Variants in FRAS1 observed in about 807,000 individuals in gnomAD.
FRAS1 encodes Fraser extracellular matrix complex subunit 1.
A neutral mutation model predicts 435.2 loss-of-function variants in FRAS1; 290 were observed. The ratio of observed to expected loss-of-function variants is 0.67; its 90% CI spans 0.61 to 0.73. The LOEUF (loss-of-function observed/expected upper bound fraction) is 0.73. Among genes scored for constraint, FRAS1 ranks in the 30% least tolerant of loss-of-function variants. The probability of loss-of-function intolerance (pLI) is 0.00; values close to 1 mark genes in which losing one functional copy is unlikely to be tolerated. For synonymous variants in FRAS1, 1,800 were observed against 1,851.0 expected (o/e 0.97, Z 0.71); for missense variants, 4,860 against 5,001.5 (o/e 0.97, Z 0.85).
At chr4:78,450,970 T>G (rs771953580) in intron 45 of FRAS1, among the ~76,000 whole-genome samples, 1 of 146,182 alleles carries the variant, frequency 6.8e-6, no homozygotes, top group Non-Finnish European at 1.5e-5. Context: ...AGTGGAAATA[T>G]ACCCCTGCGG....
intron 1 of FRAS1, among the ~76,000 whole-genome samples, chr4:78,062,279 A>T (rs1464398011): frequency 6.6e-6 from 1 of 152,086 alleles, no homozygotes; most frequent in African/African-American, 2.4e-5. Flanking sequence ...CATTTTAACT[A>T]CTCTATTAAT....
intron 2 of FRAS1, among the ~76,000 whole-genome samples, chr4:78,109,473 A>C (rs1019571757): frequency 1.3e-5 from 2 of 151,904 alleles, no homozygotes; most frequent in African/African-American, 4.8e-5. Flanking sequence ...GTAATCTAGC[A>C]TATAAACAGA....
chr4:78,452,369 T>C lies in FRAS1; in HGVS notation c.6763+15T>C. On this transcript the variant is annotated intron_variant, in intron 47 of 73. Transcript: ENST00000512123. The stretch of plus-strand genomic sequence containing the variant: ...AGCATCACCAGGTAAGTCTATCATC[T>C]CTTGATTTACTGAATCAAAACTTAG... 1.3e-6 allele frequency: 2 copies of C among 1,580,394 alleles called. No homozygotes were observed. The highest frequency in any genetic ancestry group is 2.3e-5 in the South Asian group (2 of 85,150).
intron 2 of FRAS1, among the ~76,000 whole-genome samples, chr4:78,116,932 T>A (rs553175118): frequency 9.8e-5 from 15 of 152,378 alleles, no homozygotes; most frequent in African/African-American, 3.1e-4. Flanking sequence ...GCCTTGATGA[T>A]CTTTACAATT....
At chr4:78,483,777 T>TATATATAA (rs1720086072) in intron 58 of FRAS1, among the ~76,000 whole-genome samples, 1 of 51,464 alleles carries the variant, frequency 1.9e-5, no homozygotes, top group African/African-American at 5.4e-5. Context: ...ACTCTCTCTC[T>TATATATAA]CTCTCTATAT....
intron 25 of FRAS1, among the ~76,000 whole-genome samples, chr4:78,374,677 A>G (rs1012458213): frequency 6.6e-6 from 1 of 152,198 alleles, no homozygotes; most frequent in African/African-American, 2.4e-5. Context: ...AGTGAAACAC[A>G]CTGGAGCTTT....
At chr4:78,490,970 G>A (rs959890426) in intron 59 of FRAS1, among the ~76,000 whole-genome samples, 1 of 151,896 alleles carries the variant, frequency 6.6e-6, no homozygotes, top group Non-Finnish European at 1.5e-5. Context: ...ATTGATAAAG[G>A]GGATATCACC....
At chr4:78,445,485 A>G (rs1718775862) in intron 41 of FRAS1, 37 bp from the exon 42 acceptor site, 19 of 1,490,168 alleles carry the variant, frequency 1.3e-5, no homozygotes, top group Non-Finnish European at 1.5e-5. Context: ...AGGAATTGAT[A>G]GATCAAGGTA....
intron 2 of FRAS1, among the ~76,000 whole-genome samples, chr4:78,134,856 C>T (rs1719854848): frequency 6.6e-6 from 1 of 152,166 alleles, no homozygotes; most frequent in Non-Finnish European, 1.5e-5. Flanking sequence ...GAAAGTTAAA[C>T]TACTTACTGG....
Position 78,515,832 on chromosome 4 carries a change from G to A in FRAS1, c.10208G>A (p.Ser3403Asn). Residue 3403 changes from serine to asparagine, a missense_variant, in exon 66 of 74, where the codon AGC becomes AAC. Transcript: ENST00000512123. ...TTCCTGGATGATGTGGTCTATGATA[G>A]CACTGCCCTGGGGCCTGGCTACGAT... ...AGFLDDVVYD[S>N]TALGPGYDRP... The A allele has an allele frequency of 1.2e-6, 2 of 1,614,008 alleles. No homozygotes were observed. Among genetic ancestry groups the A allele is most frequent in the Non-Finnish European group, 1.7e-6 (2 of 1,179,902 alleles).
chr4:78,220,006 G>A (rs904933805), intron 2 of FRAS1, among the ~76,000 whole-genome samples: 2 of 152,184 alleles, frequency 1.3e-5, no homozygotes, highest in African/African-American at 4.8e-5. Flanking sequence ...AGGAACAGGA[G>A]CTGGAATTTT....
At chr4:78,088,487 A>G (rs1201597574) in intron 2 of FRAS1, among the ~76,000 whole-genome samples, 1 of 151,994 alleles carries the variant, frequency 6.6e-6, no homozygotes, top group Non-Finnish European at 1.5e-5. Flanking sequence ...CAGAGTGAAC[A>G]GGCAACCTAC....
chr4:78,104,409 A>G lies in FRAS1; in HGVS notation c.108+38393A>G, dbSNP rs79752788. Among the ~76,000 whole-genome samples the G allele has an allele frequency of 2.0e-5, 3 of 152,164 alleles. No individual in the cohort carries two copies. In the East Asian group the frequency reaches 5.8e-4, roughly 29 times the overall value. On this transcript the variant is annotated intron_variant, in intron 2 of 73. Transcript: ENST00000512123. ...TGGCAGATGGGTGGGGAAGAGGGAG[A>G]TCTGATGCCACCCACTAAGATTTTT...
intron 62 of FRAS1, 72 bp downstream of exon 62, chr4:78,507,680 C>A: frequency 7.1e-7 from 1 of 1,407,090 alleles, no homozygotes; most frequent in Non-Finnish European, 9.6e-7. Context: ...AAGGGAAGTA[C>A]TCTATTTCTT....
chr4:78,501,286 T>G (rs2867452), intron 61 of FRAS1, among the ~76,000 whole-genome samples: 71,927 of 151,958 alleles, frequency 0.47, 17,211 homozygotes, highest in South Asian at 0.57. Flanking sequence ...TCCCTGCAAA[T>G]GACAAGAACT....
At position 78,475,492 on chromosome 4, in the gene FRAS1, G is replaced by A. The variant is rs367756721; in HGVS notation, c.7737G>A (p.Gly2579=). The A allele has an allele frequency of 3.1e-6, 5 of 1,613,822 alleles. No homozygotes were observed. The highest frequency in any genetic ancestry group is 1.1e-5 in the South Asian group (1 of 91,086). ...TCAGTGTCACGGTGCAGAGGACTGG[G>A]AACCTGAACCAATATGCCATCGTCC... ...GSVSVTVQRT[G]NLNQYAIVLC... The change falls in exon 54 of 74, where the codon GGG becomes GGA. Residue 2579 remains glycine, a synonymous_variant. Coordinates refer to ENST00000512123, the MANE Select transcript of FRAS1 (RefSeq NM_025074.7).
At chr4:78,234,472 G>A (rs1457602325) in intron 2 of FRAS1, among the ~76,000 whole-genome samples, 2 of 152,040 alleles carry the variant, frequency 1.3e-5, no homozygotes, top group Non-Finnish European at 2.9e-5. Context: ...TGATCCACCC[G>A]CCTCGGCCCC....
chr4:78,400,924 C>T lies in FRAS1; in HGVS notation c.4129+37C>T, dbSNP rs1234965160. The T allele has an allele frequency of 2.5e-6, 4 of 1,605,384 alleles. No homozygotes were observed. In the African/African-American group the frequency reaches 5.4e-5, roughly 21 times the overall value. ...TTCCTTTGGCGTGGTTTCATCGTTG[C>T]ATTCAGCAGTCTAGGGTTTGCTACT... On this transcript the variant is annotated intron_variant, in intron 30 of 73. Coordinates refer to ENST00000512123, the MANE Select transcript of FRAS1 (RefSeq NM_025074.7).
chr4:78,195,477 G>A (rs931811235), intron 2 of FRAS1, among the ~76,000 whole-genome samples: 3 of 152,202 alleles, frequency 2.0e-5, no homozygotes, highest in Non-Finnish European at 2.9e-5. Flanking sequence ...AATGGCGGGC[G>A]CCCCTCCTCC....
Sources: allele counts gnomAD v4.1 joint callset (sites outside exome capture counted in the v4.1 genomes callset), GRCh38; gene constraint gnomAD v4.1.1; transcripts MANE v1.5; gene names NCBI Gene and HGNC (gene_info 2026-07-23, HGNC 2026-07-21).